SLIT3: variants seen among roughly 807,000 people sequenced by gnomAD.
SLIT3 encodes slit guidance ligand 3, also known as slit homolog 3 protein.
Under a neutral mutation model 184.0 loss-of-function variants are expected in SLIT3, and 68 were observed. That is an observed-to-expected ratio of 0.37 (90% CI 0.30 to 0.45). The LOEUF is 0.45. Among genes scored for constraint, SLIT3 ranks in the 20% least tolerant of loss-of-function variants. SLIT3 has a pLI of 1.00. For missense variants in SLIT3, 1,707 were observed against 2,026.0 expected, an observed-to-expected ratio of 0.84 and a Z score of 3.02; for synonymous variants, 831 against 828.6, an observed-to-expected ratio of 1.00 and a Z score of -0.05.
intron 4 of SLIT3, among the ~76,000 whole-genome samples, chr5:169,078,898 T>G (rs933700618): frequency 2.0e-5 from 3 of 152,202 alleles, no homozygotes; most frequent in Admixed American, 6.5e-5. Flanking sequence ...CAAAAAGAAA[T>G]AAACTAAGAC....
chr5:169,215,403 A>C (rs924168905), intron 3 of SLIT3, among the ~76,000 whole-genome samples: 26 of 152,166 alleles, frequency 1.7e-4, no homozygotes, highest in Admixed American at 3.3e-4. Flanking sequence ...TTATTTTACT[A>C]TAATTTTCTA....
intron 5 of SLIT3, among the ~76,000 whole-genome samples, chr5:168,868,020 G>A (rs1468179350): frequency 1.3e-5 from 2 of 152,136 alleles, no homozygotes; most frequent in African/African-American, 4.8e-5. Flanking sequence ...TGCATTAGGT[G>A]CCAACATCTC....
intron 1 of SLIT3, chr5:169,263,530 A>C: frequency 2.4e-6 from 1 of 413,084 alleles, no homozygotes; most frequent in South Asian, 1.8e-5. Context: ...ATGACACCTC[A>C]ATTTCAGATT....
chr5:169,300,143 G>A lies in SLIT3; in HGVS notation c.197+370C>T, dbSNP rs1767636771. Among the ~76,000 whole-genome samples the A allele has an allele frequency of 6.6e-6, 1 of 152,162 alleles. No homozygotes were observed. The highest frequency in any genetic ancestry group is 1.5e-5 in the Non-Finnish European group (1 of 68,008). On this transcript the variant is annotated intron_variant, in intron 1 of 35. Coordinates refer to ENST00000519560, the MANE Select transcript of SLIT3 (RefSeq NM_003062.4). The surrounding 1 kb of genome is among the most constrained non-coding windows in gnomAD (Gnocchi z 4.1). The stretch of plus-strand genomic sequence containing the variant: ...CCATCATCCTATAGCTTTCTCCTTC[G>A]CCCGCCCCCCTTTTTAACGAGCGCA...
chr5:169,211,953 G>T (rs1764279721), intron 3 of SLIT3, among the ~76,000 whole-genome samples: 1 of 152,194 alleles, frequency 6.6e-6, no homozygotes, highest in Non-Finnish European at 1.5e-5. Context: ...TCCTGCAAAA[G>T]ACATCAACTC....
intron 20 of SLIT3, among the ~76,000 whole-genome samples, chr5:168,737,940 T>C (rs1011760646): frequency 6.6e-6 from 1 of 152,208 alleles, no homozygotes; most frequent in Non-Finnish European, 1.5e-5. Context: ...CAGAGAGTAT[T>C]CTGGTGACTT....
chr5:169,291,996 C>T (rs1767373223), intron 1 of SLIT3, among the ~76,000 whole-genome samples: 1 of 152,204 alleles, frequency 6.6e-6, no homozygotes, highest in African/African-American at 2.4e-5. Flanking sequence ...CAAAGAAAGG[C>T]TCAATAAATG....
intron 6 of SLIT3, among the ~76,000 whole-genome samples, chr5:168,830,570 T>C (rs1757849548): frequency 1.3e-5 from 2 of 152,212 alleles, no homozygotes; most frequent in South Asian, 4.1e-4. Context: ...ATGATGTTCA[T>C]AATAGCAGAA....
intron 4 of SLIT3, among the ~76,000 whole-genome samples, chr5:169,142,090 AATAAAT>A (rs1272605301): frequency 7.0e-6 from 1 of 143,238 alleles, no homozygotes; most frequent in Non-Finnish European, 1.5e-5. Flanking sequence ...AAAATAAATA[AATAAAT>A]AAATAAATAA....
Position 168,913,533 on chromosome 5 carries a change from C to T in SLIT3, c.414-30197G>A, listed in dbSNP as rs138010963. ...CTGTAGTACCAGCACTTTGGGAGGC[C>T]GAGGCAGGTGGATCACGTAAGGTCA... is the stretch of plus-strand genomic sequence containing the variant. On this transcript the variant is annotated intron_variant, in intron 4 of 35. Transcript: ENST00000519560. 4.5e-3 allele frequency among the ~76,000 whole-genome samples: 691 copies of T among 152,070 alleles called. 6 individuals are homozygous for T. The highest frequency in any genetic ancestry group is 0.015 in the African/African-American group (636 of 41,494).
intron 4 of SLIT3, among the ~76,000 whole-genome samples, chr5:169,075,167 G>A (rs1359529975): frequency 6.6e-6 from 1 of 151,870 alleles, no homozygotes; most frequent in Non-Finnish European, 1.5e-5. Flanking sequence ...TCTTCTCCTT[G>A]TTCTAATTTT....
At chr5:169,202,938 C>T (rs1763949250) in intron 3 of SLIT3, among the ~76,000 whole-genome samples, 1 of 152,146 alleles carries the variant, frequency 6.6e-6, no homozygotes, top group African/African-American at 2.4e-5. Flanking sequence ...TGCCTCTGAC[C>T]CCTGCCCTGG....
chr5:169,023,462 T>C (rs1309427568), intron 4 of SLIT3, among the ~76,000 whole-genome samples: 2 of 152,184 alleles, frequency 1.3e-5, no homozygotes, highest in East Asian at 3.8e-4. Context: ...TCTAGGCCTC[T>C]GGGTTGTAGG....
intron 8 of SLIT3, among the ~76,000 whole-genome samples, chr5:168,812,603 T>G (rs753564782): frequency 2.6e-5 from 4 of 152,194 alleles, no homozygotes; most frequent in Non-Finnish European, 4.4e-5. Context: ...CATGTGGAAA[T>G]AAATTAATTC....
chr5:168,769,479 A>G (rs970746663), intron 14 of SLIT3, among the ~76,000 whole-genome samples: 1 of 152,174 alleles, frequency 6.6e-6, no homozygotes, highest in South Asian at 2.1e-4. Flanking sequence ...GTTGTCTGCC[A>G]TGTTGGACCA....
chr5:169,188,693 G>A (rs1236221338), intron 4 of SLIT3, among the ~76,000 whole-genome samples: 1 of 152,160 alleles, frequency 6.6e-6, no homozygotes, highest in Non-Finnish European at 1.5e-5. Flanking sequence ...AAGGTCAGCC[G>A]TGGCCATCTT....
intron 4 of SLIT3, among the ~76,000 whole-genome samples, chr5:168,986,460 T>C (rs1755135636): frequency 6.6e-6 from 1 of 152,194 alleles, no homozygotes; most frequent in Admixed American, 6.5e-5. Context: ...ATTGGTACAT[T>C]GGTAGCTGCA....
At chr5:168,826,348 G>A (rs1241160384) in intron 6 of SLIT3, among the ~76,000 whole-genome samples, 5 of 152,190 alleles carry the variant, frequency 3.3e-5, no homozygotes, top group African/African-American at 1.2e-4. Flanking sequence ...TGATTGCTAC[G>A]ACAGCTACAG....
At chr5:169,214,935 C>T (rs996113977) in intron 3 of SLIT3, among the ~76,000 whole-genome samples, 15 of 152,142 alleles carry the variant, frequency 9.9e-5, no homozygotes, top group Non-Finnish European at 1.6e-4. Context: ...TATGGCCGTT[C>T]CCCTGGTCCA....
Sources: gnomAD v4.1 joint callset for allele counts (sites outside exome capture counted in the v4.1 genomes callset) on GRCh38, gnomAD v4.1.1 for gene constraint, Gnocchi (gnomAD v3.1) non-coding constraint, MANE v1.5 for transcripts, NCBI Gene and HGNC (gene_info 2026-07-23, HGNC 2026-07-21) for gene names.